The following UNC13C variants were observed in gnomAD, a reference collection of about 807,000 sequenced individuals.
The protein encoded by UNC13C is unc-13 homolog C.
In UNC13C, 174 loss-of-function variants were observed where a neutral mutation model predicts 245.4. The ratio of observed to expected loss-of-function variants is 0.71; its 90% CI spans 0.63 to 0.80. UNC13C has a LOEUF of 0.80. Among genes scored for constraint, UNC13C ranks in the 30% least tolerant of loss-of-function variants. UNC13C has a pLI of 0.00. For missense variants in UNC13C, 2,829 were observed against 2,602.9 expected, an observed-to-expected ratio of 1.09 and a Z score of -1.89; for synonymous variants, 992 against 895.1, an observed-to-expected ratio of 1.11 and a Z score of -1.93.
intron 30 of UNC13C, among the ~76,000 whole-genome samples, chr15:54,601,732 A>T (rs148079337): frequency 4.3e-4 from 65 of 152,214 alleles, no homozygotes; most frequent in African/African-American, 1.5e-3. Context: ...CCCATTCCAA[A>T]GGAGTTTTTT....
intron 10 of UNC13C, among the ~76,000 whole-genome samples, chr15:54,269,276 C>G (rs994556992): frequency 6.6e-6 from 1 of 151,950 alleles, no homozygotes; most frequent in African/African-American, 2.4e-5. Flanking sequence ...GAAAACCACT[C>G]TTTGATATAT....
intron 4 of UNC13C, among the ~76,000 whole-genome samples, chr15:54,194,485 T>A (rs2034288585): frequency 6.6e-6 from 1 of 152,188 alleles, no homozygotes; most frequent in South Asian, 2.1e-4. Flanking sequence ...AAAGACAGTG[T>A]TAAATGAAGT....
intron 19 of UNC13C, among the ~76,000 whole-genome samples, chr15:54,488,709 C>G (rs1362304512): frequency 6.6e-6 from 1 of 152,132 alleles, no homozygotes; most frequent in Non-Finnish European, 1.5e-5. Flanking sequence ...AATTGCCAAG[C>G]CTTTTCCTTG....
chr15:54,584,041 A>G (rs1447748933), intron 30 of UNC13C, among the ~76,000 whole-genome samples: 1 of 152,016 alleles, frequency 6.6e-6, no homozygotes, highest in East Asian at 1.9e-4. Flanking sequence ...TGTGTAAGTA[A>G]GAGATTTCTT....
At chr15:54,271,010 T>C (rs1445042508) in intron 10 of UNC13C, among the ~76,000 whole-genome samples, 1 of 152,174 alleles carries the variant, frequency 6.6e-6, no homozygotes, top group African/African-American at 2.4e-5. Context: ...TATCCCCCCA[T>C]TAATTGCACT....
the UNC13C span, among the ~76,000 whole-genome samples, chr15:53,946,746 G>T: frequency 7.2e-6 from 1 of 139,248 alleles, no homozygotes; most frequent in African/African-American, 2.7e-5. Flanking sequence ...TGTGTCTATT[G>T]AGATAATCAT....
chr15:54,096,710 C>A (rs1057081831), intron 2 of UNC13C, among the ~76,000 whole-genome samples: 1 of 152,162 alleles, frequency 6.6e-6, no homozygotes, highest in African/African-American at 2.4e-5. Context: ...TTCTCTCCAA[C>A]CCTGTCTTGT....
intron 28 of UNC13C, among the ~76,000 whole-genome samples, chr15:54,555,051 G>A (rs1897031539): frequency 6.6e-6 from 1 of 151,976 alleles, no homozygotes; most frequent in Admixed American, 6.6e-5. Flanking sequence ...AATTGGGAGA[G>A]GCTTAAATTT....
chr15:54,570,957 T>C (rs767111994), intron 30 of UNC13C, among the ~76,000 whole-genome samples: 1 of 152,202 alleles, frequency 6.6e-6, no homozygotes. Flanking sequence ...TGCTATACAA[T>C]TCTTTGAACA....
chr15:54,000,642 G>T (rs1318001991), intron 1 of UNC13C, among the ~76,000 whole-genome samples: 1 of 152,092 alleles, frequency 6.6e-6, no homozygotes, highest in East Asian at 1.9e-4. Flanking sequence ...ACTAAACCCA[G>T]TGTGTTGCTT....
At chr15:54,606,110 T>G (rs188406807) in intron 30 of UNC13C, among the ~76,000 whole-genome samples, 37 of 152,328 alleles carry the variant, frequency 2.4e-4, no homozygotes, top group Admixed American at 2.0e-3. Flanking sequence ...GTTATTGTTA[T>G]TAAAGTATAA....
chr15:54,511,189 A>G lies in UNC13C; in HGVS notation c.5380-564A>G, dbSNP rs887732720. On this transcript the variant is annotated intron_variant, in intron 23 of 32. Coordinates refer to ENST00000260323, the MANE Select transcript of UNC13C (RefSeq NM_001080534.3). ...AGTGATAAGATAAAATCCAGGAAAA[A>G]AGAACGCTCTAACCTGAATGATGGA... Among the ~76,000 whole-genome samples, 3 of 152,270 alleles carry G rather than the reference A, an allele frequency of 2.0e-5. No homozygotes were observed. The East Asian group carries it at 5.8e-4, about 29-fold the overall frequency.
At chr15:54,257,920 C>A (rs1427487022) in intron 8 of UNC13C, among the ~76,000 whole-genome samples, 1 of 152,106 alleles carries the variant, frequency 6.6e-6, no homozygotes, top group Non-Finnish European at 1.5e-5. Flanking sequence ...TGAATGTCCA[C>A]CCACATGATT....
intron 20 of UNC13C, among the ~76,000 whole-genome samples, chr15:54,498,626 A>C (rs564615183): frequency 9.2e-5 from 14 of 152,294 alleles, no homozygotes; most frequent in African/African-American, 3.1e-4. Context: ...ATAGCCACAA[A>C]CAATTAGAAA....
At chr15:54,386,710 G>C (rs1007742620) in intron 17 of UNC13C, among the ~76,000 whole-genome samples, 1 of 152,128 alleles carries the variant, frequency 6.6e-6, no homozygotes, top group Non-Finnish European at 1.5e-5. Context: ...TCATTTGTAT[G>C]TTCAGTCTTC....
chr15:54,574,731 G>A (rs1897887523), intron 30 of UNC13C, among the ~76,000 whole-genome samples: 1 of 152,158 alleles, frequency 6.6e-6, no homozygotes, highest in East Asian at 1.9e-4. Flanking sequence ...TGAAGTGTTT[G>A]TACTCTATGA....
chr15:54,514,591 C>T (rs938738830), intron 24 of UNC13C, among the ~76,000 whole-genome samples: 3 of 152,176 alleles, frequency 2.0e-5, no homozygotes, highest in South Asian at 4.1e-4. Flanking sequence ...GCATTGCTTT[C>T]CTCTAATATT....
At chr15:54,284,812 T>A (rs2037099050) in intron 10 of UNC13C, among the ~76,000 whole-genome samples, 2 of 152,108 alleles carry the variant, frequency 1.3e-5, no homozygotes, top group Admixed American at 1.3e-4. Context: ...GATAGTATTT[T>A]AAAAACTTAG....
chr15:54,572,607 A>T (rs535635844), intron 30 of UNC13C, among the ~76,000 whole-genome samples: 106 of 151,724 alleles, frequency 7.0e-4, no homozygotes, highest in Non-Finnish European at 8.8e-4. Flanking sequence ...TATTTTTTTT[A>T]GTAGAGATGG....
Sources: allele counts gnomAD v4.1 joint callset (sites outside exome capture counted in the v4.1 genomes callset), GRCh38; gene constraint gnomAD v4.1.1; transcripts MANE v1.5; gene names NCBI Gene and HGNC (gene_info 2026-07-23, HGNC 2026-07-21).